CCDC141: variants seen among roughly 807,000 people sequenced by gnomAD.
CCDC141 encodes the protein coiled-coil domain containing 141.
Under a neutral mutation model 181.0 loss-of-function variants are expected in CCDC141, and 168 were observed. The observed-to-expected ratio is 0.93, with a 90% CI of 0.82 to 1.05. The LOEUF is 1.05. Ranked by LOEUF, CCDC141 falls within the 50% of genes least tolerant of loss-of-function variation. The pLI is 0.00. For missense variants in CCDC141, 1,902 were observed against 1,788.5 expected, an observed-to-expected ratio of 1.06 and a Z score of -1.14; for synonymous variants, 666 against 642.3, an observed-to-expected ratio of 1.04 and a Z score of -0.56.
rs189394832 is a variant in CCDC141, at chr2:178,913,592, T to C, written c.1092+5121A>G. Among the ~76,000 whole-genome samples, 33 of 152,370 alleles carry C rather than the reference T, an allele frequency of 2.2e-4. No individual in the cohort carries two copies. In the East Asian group the frequency reaches 5.8e-3, roughly 27 times the overall value. On this transcript the variant is annotated intron_variant, in intron 7 of 23. Transcript: ENST00000443758. The stretch of plus-strand genomic sequence containing the variant: ...TTTGTTTGCATCTGAAACAATGATG[T>C]TGCTATAAGCATTACTATGGATCAC...
chr2:178,935,711 C>A (rs1689258381), intron 6 of CCDC141, among the ~76,000 whole-genome samples: 1 of 152,012 alleles, frequency 6.6e-6, no homozygotes, highest in East Asian at 1.9e-4. Context: ...GTGATTTACA[C>A]ACTCCTATCA....
intron 4 of CCDC141, among the ~76,000 whole-genome samples, chr2:178,968,688 G>A (rs185146693): frequency 4.6e-5 from 7 of 151,924 alleles, no homozygotes; most frequent in East Asian, 1.9e-4. Flanking sequence ...CTAGAGAAGC[G>A]ACCGCAAACA....
chr2:178,991,240 A>G (rs1196538755), intron 2 of CCDC141, among the ~76,000 whole-genome samples: 1 of 152,194 alleles, frequency 6.6e-6, no homozygotes, highest in Non-Finnish European at 1.5e-5. Flanking sequence ...TTTCAGACAT[A>G]CTGAAGACCA....
At position 178,953,133 on chromosome 2, in the gene CCDC141, G is replaced by A. The variant is rs1304638559; in HGVS notation, c.780+8097C>T. ...GGTAATTTGACAAGATGGCTCATGGGCCTTAAAACATGTTCACATTCGGCT... is the reference window on the plus strand; with the variant it reads ...GGTAATTTGACAAGATGGCTCATGGACCTTAAAACATGTTCACATTCGGCT... On this transcript the variant is annotated intron_variant, in intron 5 of 23. Coordinates refer to ENST00000443758, the MANE Select transcript of CCDC141 (RefSeq NM_173648.4). 4.6e-5 allele frequency among the ~76,000 whole-genome samples: 7 copies of A among 152,116 alleles called. No individual in the cohort carries two copies. The East Asian group carries it at 1.4e-3, about 29-fold the overall frequency.
intron 2 of CCDC141, among the ~76,000 whole-genome samples, chr2:179,030,540 T>G (rs765670786): frequency 6.6e-6 from 1 of 152,066 alleles, no homozygotes; most frequent in African/African-American, 2.4e-5. Flanking sequence ...CTCCCAGAAT[T>G]TGTAAACAGA....
At chr2:178,951,029 A>G (rs974408639) in intron 5 of CCDC141, among the ~76,000 whole-genome samples, 3 of 152,168 alleles carry the variant, frequency 2.0e-5, no homozygotes, top group Non-Finnish European at 4.4e-5. Context: ...ATGGAAAGTT[A>G]TTTAGTCCAG....
chr2:178,942,109 A>T (rs753381248), intron 6 of CCDC141, among the ~76,000 whole-genome samples: 2 of 152,038 alleles, frequency 1.3e-5, no homozygotes, highest in Non-Finnish European at 2.9e-5. Flanking sequence ...ACATGGGGCA[A>T]TACTCAGCTT....
intron 23 of CCDC141, among the ~76,000 whole-genome samples, 170 bp from the exon 24 acceptor site, chr2:178,834,610 T>C (rs1256323373): frequency 6.6e-6 from 1 of 152,042 alleles, no homozygotes; most frequent in African/African-American, 2.4e-5. Flanking sequence ...TTTTTTTCTT[T>C]AGTAGGCTAG....
chr2:178,968,065 A>G lies in CCDC141; in HGVS notation c.527-6582T>C, dbSNP rs538800894. On this transcript the variant is annotated intron_variant, in intron 4 of 23. Transcript: ENST00000443758. ...TCCTAAATATACATGCACCCAATAC[A>G]GGAGCACCCAGATTCATAAAGCAAG... Among the ~76,000 whole-genome samples the G allele has an allele frequency of 4.6e-5, 7 of 152,364 alleles. 1 individual carries two copies. Among genetic ancestry groups the G allele is most frequent in the Admixed American group, 2.0e-4 (3 of 15,304 alleles).
At chr2:178,964,110 A>G (rs1182458955) in intron 4 of CCDC141, among the ~76,000 whole-genome samples, 1 of 152,256 alleles carries the variant, frequency 6.6e-6, no homozygotes, top group Non-Finnish European at 1.5e-5. Flanking sequence ...AAAGCAGCTT[A>G]TAGCAGGCCT....
At chr2:178,815,866 G>T in the CCDC141 span, among the ~76,000 whole-genome samples, 2 of 152,100 alleles carry the variant, frequency 1.3e-5, no homozygotes, top group South Asian at 4.1e-4. Flanking sequence ...CATGTGAGTA[G>T]GGAGAGGCAA....
intron 2 of CCDC141, among the ~76,000 whole-genome samples, chr2:179,043,896 T>A (rs191491570): frequency 6.6e-6 from 1 of 152,144 alleles, no homozygotes; most frequent in African/African-American, 2.4e-5. Flanking sequence ...TCTAAGGACA[T>A]AGGAAAAATC....
Position 178,878,402 on chromosome 2 carries a change from A to G in CCDC141, c.1720-259T>C, listed in dbSNP as rs6433740. Reference sequence around the variant, plus strand: ...CAGCCCCAAACTCTTGGGGTCAAGCAATCCTCTCTCCTCATCTTCCAAGTA... The same window carrying G: ...CAGCCCCAAACTCTTGGGGTCAAGCGATCCTCTCTCCTCATCTTCCAAGTA... On this transcript the variant is annotated intron_variant, in intron 11 of 23. Coordinates refer to ENST00000443758, the MANE Select transcript of CCDC141 (RefSeq NM_173648.4). Among the ~76,000 whole-genome samples, 150,822 of 150,990 alleles carry G rather than the reference A, an allele frequency of 1. 75,327 individuals carry two copies. The highest frequency in any genetic ancestry group is 1 in the Middle Eastern group (290 of 290).
intron 11 of CCDC141, among the ~76,000 whole-genome samples, chr2:178,879,835 G>T (rs554458746): frequency 3.9e-5 from 6 of 152,208 alleles, no homozygotes; most frequent in Admixed American, 6.5e-5. Context: ...GTGTAAAAGT[G>T]TGAAACACTA....
At chr2:179,011,831 C>T (rs2042278566) in intron 2 of CCDC141, among the ~76,000 whole-genome samples, 1 of 152,058 alleles carries the variant, frequency 6.6e-6, no homozygotes, top group Admixed American at 6.6e-5. Flanking sequence ...ACCTTCAAAA[C>T]CATGAAAATA....
At chr2:179,023,239 T>C in intron 2 of CCDC141, among the ~76,000 whole-genome samples, 1 of 152,160 alleles carries the variant, frequency 6.6e-6, no homozygotes, top group East Asian at 1.9e-4. Flanking sequence ...TCAAATTCTT[T>C]AAAGGTTTCA....
intron 5 of CCDC141, among the ~76,000 whole-genome samples, chr2:178,957,594 G>A (rs2200826): frequency 0.49 from 74,182 of 152,138 alleles, 19,545 homozygotes; most frequent in Non-Finnish European, 0.61. Flanking sequence ...TTGAAAACTT[G>A]TGTTCACATA....
chr2:178,946,177 A>G (rs2366920), intron 5 of CCDC141, among the ~76,000 whole-genome samples: 106,687 of 152,012 alleles, frequency 0.7, 37,902 homozygotes, highest in East Asian at 0.93. Context: ...CAAAATACAC[A>G]TTATCTAGTT....
chr2:178,865,691 G>A lies in CCDC141; in HGVS notation c.2724+76C>T, dbSNP rs554172378. 1.2e-5 allele frequency: 16 copies of A among 1,315,274 alleles called. No homozygotes were observed. In the Admixed American group the frequency reaches 1.7e-4, roughly 14 times the overall value. 81.5% of individuals were successfully genotyped at this position (1,315,274 alleles called of 1,614,324 possible). ...CATGTGTGTGGGAGTGTGCACAAAT[G>A]TGGACATTTAGACACATGCTTTAGG... On this transcript the variant is annotated intron_variant, in intron 17 of 23. Coordinates refer to ENST00000443758, the MANE Select transcript of CCDC141 (RefSeq NM_173648.4).
Sources: allele counts gnomAD v4.1 joint callset (sites outside exome capture counted in the v4.1 genomes callset), GRCh38; gene constraint gnomAD v4.1.1; transcripts MANE v1.5; gene names NCBI Gene and HGNC (gene_info 2026-07-23, HGNC 2026-07-21).